Variants in TP63 observed in about 807,000 individuals in gnomAD.
TP63 encodes tumor protein p63, also known as tumor protein 63.
TP63 carries 17 observed loss-of-function variants against 82.8 expected under a neutral mutation model. The observed-to-expected ratio is 0.21, with a 90% CI of 0.14 to 0.31. TP63 has a LOEUF of 0.31. TP63 is among the 10% of genes least tolerant of loss of function. TP63 has a pLI of 1.00. For synonymous variants in TP63, 330 were observed against 321.7 expected (o/e 1.03, Z -0.28); for missense variants, 648 against 895.3 (o/e 0.72, Z 3.52).
intron 1 of TP63, among the ~76,000 whole-genome samples, chr3:189,730,227 A>T (rs1224815851): frequency 6.6e-6 from 1 of 152,168 alleles, no homozygotes; most frequent in Admixed American, 6.5e-5. Flanking sequence ...AGCAATAGTA[A>T]TCCTAACTGT....
chr3:189,849,954 TA>T (rs1322170231), intron 4 of TP63, among the ~76,000 whole-genome samples: 4 of 152,204 alleles, frequency 2.6e-5, no homozygotes, highest in Non-Finnish European at 5.9e-5. Flanking sequence ...GTGCTACTCA[TA>T]ATAATTTATG....
At chr3:189,775,044 C>T (rs1309627754) in intron 3 of TP63, among the ~76,000 whole-genome samples, 2 of 151,828 alleles carry the variant, frequency 1.3e-5, no homozygotes, top group Admixed American at 6.6e-5. Context: ...CATAGTGAAA[C>T]CTCGTCTCTA....
At chr3:189,620,062 G>A in the TP63 span, among the ~76,000 whole-genome samples, 1 of 152,198 alleles carries the variant, frequency 6.6e-6, no homozygotes, top group African/African-American at 2.4e-5. Flanking sequence ...GGAAGAAGGG[G>A]GGCACTTCAG....
chr3:189,740,191 A>G (rs1720883749), intron 3 of TP63, among the ~76,000 whole-genome samples: 1 of 152,218 alleles, frequency 6.6e-6, no homozygotes, highest in African/African-American at 2.4e-5. Context: ...CAATGAAATG[A>G]AACTATCAAA....
intron 4 of TP63, among the ~76,000 whole-genome samples, chr3:189,836,069 C>T (rs962217700): frequency 2.0e-5 from 3 of 152,104 alleles, no homozygotes; most frequent in Admixed American, 1.3e-4. Context: ...TTTGATCACA[C>T]GGGTAGTGGT....
intron 4 of TP63, among the ~76,000 whole-genome samples, chr3:189,808,873 G>A (rs1382708807): frequency 6.6e-6 from 1 of 152,146 alleles, no homozygotes; most frequent in African/African-American, 2.4e-5. Context: ...TCTCCAGAAC[G>A]TGAACGTGTT....
chr3:189,771,979 G>T (rs1259644701), intron 3 of TP63, among the ~76,000 whole-genome samples: 1 of 152,146 alleles, frequency 6.6e-6, no homozygotes, highest in Non-Finnish European at 1.5e-5. Context: ...GTGATAAATT[G>T]TGCTTTTGTT....
intron 3 of TP63, among the ~76,000 whole-genome samples, chr3:189,747,071 G>A (rs998513147): frequency 6.6e-6 from 1 of 151,492 alleles, no homozygotes; most frequent in African/African-American, 2.4e-5. Context: ...AAATATTTAT[G>A]TACTCAACAG....
At chr3:189,632,928 T>C (rs546309986) in intron 1 of TP63, among the ~76,000 whole-genome samples, 1 of 152,234 alleles carries the variant, frequency 6.6e-6, no homozygotes, top group African/African-American at 2.4e-5. Context: ...TCTAAGAAGA[T>C]AATTGTGATG....
intron 12 of TP63, among the ~76,000 whole-genome samples, chr3:189,889,754 CCTCT>C (rs1720827494): frequency 6.6e-6 from 1 of 152,224 alleles, no homozygotes; most frequent in African/African-American, 2.4e-5. Context: ...CTCCCTTCCT[CCTCT>C]CTCACATTTT....
chr3:189,716,724 T>A (rs569076848), intron 1 of TP63, among the ~76,000 whole-genome samples: 1 of 152,174 alleles, frequency 6.6e-6, no homozygotes, highest in African/African-American at 2.4e-5. Flanking sequence ...GTCTATCTTA[T>A]CTGAAATTTT....
chr3:189,870,743 G>C (rs1330966564), intron 9 of TP63, among the ~76,000 whole-genome samples: 1 of 152,140 alleles, frequency 6.6e-6, no homozygotes, highest in Non-Finnish European at 1.5e-5. Flanking sequence ...TTAGGTCTTT[G>C]CCATGTAGGG....
At chr3:189,667,025 G>GAA (rs35573853) in intron 1 of TP63, among the ~76,000 whole-genome samples, 5,222 of 115,936 alleles carry the variant, frequency 0.045, 134 homozygotes, top group Middle Eastern at 0.067. Flanking sequence ...TACAGTTTTT[G>GAA]AAAAAAAAAA....
At chr3:189,681,128 C>T (rs908696803) in intron 1 of TP63, among the ~76,000 whole-genome samples, 1 of 152,154 alleles carries the variant, frequency 6.6e-6, no homozygotes, top group African/African-American at 2.4e-5. Flanking sequence ...TTTCTTACTT[C>T]TGTGCTCCTA....
intron 3 of TP63, among the ~76,000 whole-genome samples, chr3:189,783,990 A>G (rs1025941390): frequency 6.6e-6 from 1 of 151,980 alleles, no homozygotes; most frequent in African/African-American, 2.4e-5. Flanking sequence ...AAAAAAAATT[A>G]TATTGCATAT....
intron 1 of TP63, among the ~76,000 whole-genome samples, chr3:189,725,267 G>T (rs1349413230): frequency 2.6e-5 from 4 of 152,056 alleles, no homozygotes; most frequent in Non-Finnish European, 5.9e-5. Context: ...GGTAAACATG[G>T]TAATGTGAAG....
At chr3:189,644,150 C>A (rs6766775) in intron 1 of TP63, among the ~76,000 whole-genome samples, 1 of 151,930 alleles carries the variant, frequency 6.6e-6, no homozygotes, top group Non-Finnish European at 1.5e-5. Flanking sequence ...TTCATCATTA[C>A]CTGAAATTAT....
At chr3:189,812,924 G>T (rs183168909) in intron 4 of TP63, among the ~76,000 whole-genome samples, 4 of 152,198 alleles carry the variant, frequency 2.6e-5, no homozygotes, top group African/African-American at 9.6e-5. Flanking sequence ...ACTTTATAGA[G>T]GGACTGTGAT....
chr3:189,805,979 C>G (rs1726842613), intron 3 of TP63, among the ~76,000 whole-genome samples: 1 of 151,798 alleles, frequency 6.6e-6, no homozygotes. Flanking sequence ...CTTCACCAAA[C>G]CACCCTGGAC....
Sources: gnomAD v4.1 joint callset for allele counts (sites outside exome capture counted in the v4.1 genomes callset) on GRCh38, gnomAD v4.1.1 for gene constraint, MANE v1.5 for transcripts, NCBI Gene and HGNC (gene_info 2026-07-23, HGNC 2026-07-21) for gene names.